MGST3: variants seen among roughly 807,000 people sequenced by gnomAD.
MGST3 encodes the protein glutathione S-transferase 3, mitochondrial.
In MGST3, 13 loss-of-function variants were observed where a neutral mutation model predicts 15.8. The ratio of observed to expected loss-of-function variants is 0.82; its 90% CI spans 0.54 to 1.31. The LOEUF (loss-of-function observed/expected upper bound fraction) is 1.31. MGST3 is among the 50% of genes most tolerant of loss of function. The pLI is 0.00. For synonymous variants in MGST3, 49 were observed against 68.1 expected (o/e 0.72, Z 1.38); for missense variants, 155 against 192.4 (o/e 0.81, Z 1.15).
At chr1:165,634,371 G>C (rs977188707) in intron 1 of MGST3, among the ~76,000 whole-genome samples, 2 of 152,114 alleles carry the variant, frequency 1.3e-5, no homozygotes, top group Admixed American at 1.3e-4. Flanking sequence ...ATATCATAGG[G>C]ATGCTGTGAG....
chr1:165,642,857 C>G (rs568397753), intron 1 of MGST3, among the ~76,000 whole-genome samples: 4 of 152,210 alleles, frequency 2.6e-5, no homozygotes, highest in Non-Finnish European at 5.9e-5. Context: ...AAAGCTGTCT[C>G]GTGAACTGCA....
Position 165,655,760 on chromosome 1 carries a change from A to AG in MGST3, c.*257dup. 1 of 500,640 alleles carries AG rather than the reference A, an allele frequency of 2.0e-6. No individual in the cohort carries two copies. The highest frequency in any genetic ancestry group is 2.2e-5 in the South Asian group (1 of 45,658). 31.0% of individuals were successfully genotyped at this position (500,640 alleles called of 1,614,324 possible). A position where few individuals can be genotyped will look rare whatever the true frequency, so the allele number is the denominator to read the frequency against. Reference sequence around the variant, plus strand: ...GATGCTTCTGTAGTATGTGAGGTTGAGAAAAAGTCTGATTGTGGTGATGTA... The same window carrying AG: ...GATGCTTCTGTAGTATGTGAGGTTGAGGAAAAAGTCTGATTGTGGTGATGTA... On this transcript the variant is annotated 3_prime_UTR_variant, in exon 6 of 6. Transcript: ENST00000367889.
chr1:165,636,638 G>C (rs964009922), intron 1 of MGST3: 1 of 152,174 alleles, frequency 6.6e-6, no homozygotes, highest in Non-Finnish European at 1.5e-5. Flanking sequence ...TTAGGAGGCT[G>C]AGGCAGAAGA....
intron 4 of MGST3, 44 bp downstream of exon 4, chr1:165,652,079 C>G: frequency 3.8e-6 from 5 of 1,328,238 alleles, no homozygotes; most frequent in Non-Finnish European, 5.4e-6. Flanking sequence ...TAGTAGTTCA[C>G]TGAGCTATTA....
chr1:165,654,258 A>T (rs1648643441), intron 4 of MGST3, 21 bp from the exon 5 acceptor site: 1 of 1,611,608 alleles, frequency 6.2e-7, no homozygotes, highest in Admixed American at 1.7e-5. Context: ...TGCAAATACT[A>T]ATGTAGCCCT....
At chr1:165,654,453 G>A (rs1648652225) in intron 5 of MGST3, 102 bp downstream of exon 5, 1 of 1,045,146 alleles carries the variant, frequency 9.6e-7, no homozygotes, top group Non-Finnish European at 1.5e-6. Flanking sequence ...CACTTTGGGA[G>A]GCGAAGGCAG....
At position 165,655,393 on chromosome 1, in the gene MGST3, C is replaced by G. The variant is rs781425830; in HGVS notation, c.348C>G (p.Ala116=). 6.2e-7 allele frequency: 1 copy of G among 1,613,978 alleles called. No homozygotes were observed. The highest frequency in any genetic ancestry group is 1.1e-5 in the South Asian group (1 of 91,066). ...TGEPSKRSRG[A]LGSIALLGLV... Reference sequence around the variant, plus strand: ...AACCCAGCAAGCGTAGTCGAGGAGCCCTGGGGTCCATCGCCCTCCTGGGCT... The same window carrying G: ...AACCCAGCAAGCGTAGTCGAGGAGCGCTGGGGTCCATCGCCCTCCTGGGCT... Residue 116 remains alanine (A), a synonymous_variant, in exon 6 of 6, where the codon GCC becomes GCG. Coordinates refer to ENST00000367889, the MANE Select transcript of MGST3 (RefSeq NM_004528.4).
intron 1 of MGST3, among the ~76,000 whole-genome samples, chr1:165,638,699 C>T (rs1217387570): frequency 6.6e-6 from 1 of 151,352 alleles, no homozygotes; most frequent in Non-Finnish European, 1.5e-5. Context: ...AGGAGAATCA[C>T]TTGAACCCAG....
chr1:165,651,189 T>C, intron 3 of MGST3, 102 bp downstream of exon 3: 2 of 974,976 alleles, frequency 2.1e-6, no homozygotes, highest in South Asian at 2.6e-5. Context: ...GTCATAGTGA[T>C]GGTGACAATC....
In MGST3 at chr1:165,649,956, A is replaced by C. The variant is rs1401421115; in HGVS notation, c.109A>C (p.Lys37Gln). ...TGTTTCCAAGGCCCGCAAGAAGTAC[A>C]AAGTGGAGGTAAGTGGGAACACAAG... ...INVSKARKKYKVEYPIMYSTD... is the reference protein window; with the variant it reads ...INVSKARKKYQVEYPIMYSTD... Residue 37 changes from lysine to glutamine, a missense_variant, in exon 2 of 6, where the codon AAA (lysine) becomes CAA (glutamine). Physicochemically the swap from Lys to Gln is moderately conservative, Grantham distance 53. Coordinates refer to ENST00000367889, the MANE Select transcript of MGST3 (RefSeq NM_004528.4). The C allele has an allele frequency of 8.1e-6, 13 of 1,614,102 alleles. No homozygotes were observed. Among genetic ancestry groups the C allele is most frequent in the Admixed American group, 1.7e-5 (1 of 60,028 alleles).
chr1:165,651,696 G>A, intron 3 of MGST3: 1 of 385,960 alleles, frequency 2.6e-6, no homozygotes, highest in Admixed American at 3.9e-5. Context: ...TTGAGGTCAG[G>A]AGTTGGAGAC....
chr1:165,650,373 T>C (rs921817094), intron 2 of MGST3: 1 of 291,098 alleles, frequency 3.4e-6, no homozygotes, highest in Non-Finnish European at 6.6e-6. Context: ...TATGTGGTGT[T>C]GAGATTAGCC....
intron 1 of MGST3, chr1:165,647,322 A>G (rs1221724584): frequency 6.6e-6 from 1 of 152,180 alleles, no homozygotes; most frequent in Admixed American, 6.5e-5. Flanking sequence ...ACAGGCATCT[A>G]TGCAAGAGGC....
chr1:165,633,711 C>G (rs565438835), intron 1 of MGST3, among the ~76,000 whole-genome samples: 27 of 152,202 alleles, frequency 1.8e-4, no homozygotes, highest in Admixed American at 1.6e-3. Context: ...TACAGTCTGC[C>G]TGCATTTCTT....
At chr1:165,651,529 T>C (rs1648555261) in intron 3 of MGST3, 1 of 311,152 alleles carries the variant, frequency 3.2e-6, no homozygotes, top group East Asian at 8.4e-5. Context: ...GGAGGGTGGA[T>C]GATAGTGACC....
At position 165,655,861 on chromosome 1, in the gene MGST3, C is replaced by T. The variant is rs1648694412; in HGVS notation, c.*357C>T. ...TCAGGATATGCATTATCACTTGCTA[C>T]AGATACTCCAAGGCCAAAGGAATGC... On this transcript the variant is annotated 3_prime_UTR_variant, in exon 6 of 6. Transcript: ENST00000367889. 1 of 282,788 alleles carries T rather than the reference C, an allele frequency of 3.5e-6. No individual in the cohort carries two copies. Among genetic ancestry groups the T allele is most frequent in the Non-Finnish European group, 6.9e-6 (1 of 145,904 alleles). The allele number at this position is 282,788 out of a possible 1,614,324, so 17.5% of individuals were successfully genotyped here.
At chr1:165,636,735 CAA>C (rs61588980) in intron 1 of MGST3, 21,328 of 148,292 alleles carry the variant, frequency 0.14, 1,660 homozygotes, top group Admixed American at 0.17. Flanking sequence ...GACTCCGTCT[CAA>C]AAAAAAAAAA....
chr1:165,640,355 A>G (rs1219022471), intron 1 of MGST3, among the ~76,000 whole-genome samples: 3 of 152,012 alleles, frequency 2.0e-5, no homozygotes, highest in Non-Finnish European at 2.9e-5. Context: ...CATCAGCCCC[A>G]TTCTGTTTTC....
At chr1:165,632,585 A>G (rs936304830) in intron 1 of MGST3, among the ~76,000 whole-genome samples, 8 of 152,238 alleles carry the variant, frequency 5.3e-5, no homozygotes, top group Non-Finnish European at 1.5e-5. Flanking sequence ...TTCCCTCCTG[A>G]CACAATGTTA....
Sources: gnomAD v4.1 joint callset for allele counts (sites outside exome capture counted in the v4.1 genomes callset) on GRCh38, gnomAD v4.1.1 for gene constraint, MANE v1.5 for transcripts, NCBI Gene and HGNC (gene_info 2026-07-23, HGNC 2026-07-21) for gene names.